PCDH15: variants seen among roughly 807,000 people sequenced by gnomAD.
The protein encoded by PCDH15 is protocadherin-15.
A neutral mutation model predicts 178.5 loss-of-function variants in PCDH15; 129 were observed. The ratio of observed to expected loss-of-function variants is 0.72; its 90% CI spans 0.63 to 0.84. PCDH15 has a LOEUF of 0.84. Among genes scored for constraint, PCDH15 ranks in the 40% least tolerant of loss-of-function variants. The pLI, the probability that PCDH15 is intolerant of heterozygous loss-of-function variation, is 0.00. For synonymous variants in PCDH15, 800 were observed against 732.0 expected, an observed-to-expected ratio of 1.09 and a Z score of -1.50; for missense variants, 2,230 against 2,099.9, an observed-to-expected ratio of 1.06 and a Z score of -1.21.
rs72797023 is a variant in PCDH15 at position 54,089,852 on chromosome 10, A to C, written c.1997+132T>G. The C allele has an allele frequency of 0.21, 151,637 of 709,946 alleles. 17,589 individuals are homozygous for C. Among genetic ancestry groups the C allele is most frequent in the Non-Finnish European group, 0.25 (102,776 of 405,876 alleles). 44.0% of individuals were successfully genotyped at this position (709,946 alleles called of 1,614,324 possible). On this transcript the variant is annotated intron_variant, in intron 16 of 37. Coordinates refer to ENST00000644397, the MANE Select transcript of PCDH15 (RefSeq NM_001384140.1). Reference sequence around the variant, plus strand: ...GCTCAGAATTATCCTCCCAGCTACCATTAGCATTCATAGAAAACAGAAAGG... The same window carrying C: ...GCTCAGAATTATCCTCCCAGCTACCCTTAGCATTCATAGAAAACAGAAAGG...
chr10:54,449,380 C>G (rs561086063), intron 3 of PCDH15, among the ~76,000 whole-genome samples: 16 of 151,876 alleles, frequency 1.1e-4, no homozygotes, highest in African/African-American at 3.9e-4. Context: ...AACACACACA[C>G]TGAGAGAAAA....
At chr10:54,741,770 A>G (rs923920270) in intron 1 of PCDH15, among the ~76,000 whole-genome samples, 11 of 151,828 alleles carry the variant, frequency 7.2e-5, no homozygotes, top group Non-Finnish European at 1.3e-4. Flanking sequence ...GTCTTTCTCA[A>G]TTTGCATCAT....
rs1303627855 is a variant in PCDH15, at chr10:54,562,239, C to T, written c.92-34362G>A. On this transcript the variant is annotated intron_variant, in intron 2 of 37. Coordinates refer to ENST00000644397, the MANE Select transcript of PCDH15 (RefSeq NM_001384140.1). Reference sequence around the variant, plus strand: ...CTCTTGACCTCAAGTGATTCACCTGCCTTGGACTCCCAAAGTGCTGGGATT... The same window carrying T: ...CTCTTGACCTCAAGTGATTCACCTGTCTTGGACTCCCAAAGTGCTGGGATT... Among the ~76,000 whole-genome samples, 4 of 151,960 alleles carry T rather than the reference C, an allele frequency of 2.6e-5. No homozygotes were observed. The East Asian group carries it at 5.8e-4, about 22-fold the overall frequency.
At chr10:54,661,359 G>A (rs559019925) in intron 2 of PCDH15, among the ~76,000 whole-genome samples, 1 of 151,828 alleles carries the variant, frequency 6.6e-6, no homozygotes, top group Non-Finnish European at 1.5e-5. Context: ...GGTAAAAGAT[G>A]TCCACAACAA....
intron 2 of PCDH15, among the ~76,000 whole-genome samples, chr10:54,596,338 A>C (rs1337372205): frequency 6.6e-6 from 1 of 152,164 alleles, no homozygotes; most frequent in East Asian, 1.9e-4. Context: ...AATTCCAGCC[A>C]AAGAAATTTA....
At chr10:53,840,285 C>T in intron 29 of PCDH15, 35 bp downstream of exon 29, 1 of 1,601,338 alleles carries the variant, frequency 6.2e-7, no homozygotes, top group Non-Finnish European at 8.6e-7. Flanking sequence ...GCTATTGTAA[C>T]CAAAGAGCTG....
intron 2 of PCDH15, among the ~76,000 whole-genome samples, chr10:55,463,458 C>T (rs2132095416): frequency 6.6e-6 from 1 of 151,988 alleles, no homozygotes; most frequent in East Asian, 1.9e-4. Context: ...CCAATCTGGG[C>T]AGCAAAGCAA....
intron 3 of PCDH15, among the ~76,000 whole-genome samples, chr10:54,810,145 A>C (rs1952840506): frequency 6.6e-6 from 1 of 152,178 alleles, no homozygotes; most frequent in Non-Finnish European, 1.5e-5. Flanking sequence ...ATTTTCAAAA[A>C]TAAATAATAA....
At chr10:53,979,439 G>A (rs1276897214) in intron 21 of PCDH15, among the ~76,000 whole-genome samples, 3 of 152,258 alleles carry the variant, frequency 2.0e-5, no homozygotes, top group African/African-American at 7.2e-5. Flanking sequence ...TGGGAACTAC[G>A]GTTCAAGATG....
chr10:54,020,310 C>T lies in PCDH15; in HGVS notation c.2633G>A (p.Arg878Lys). The part of the protein sequence containing the change: ...HPFTGELSLL[R>K]SLDYEAFPDQ... ...TGGAAATGCCTCATAATCTAAACTC[C>T]TTAAAAGCGATAGTTCTCCTGTAAA... The change falls in exon 20 of 38, where the codon AGG (arginine) becomes AAG (lysine). Residue 878 changes from arginine (R) to lysine (K), a missense_variant. Arg to Lys is a conservative substitution (Grantham distance 26). Coordinates refer to ENST00000644397, the MANE Select transcript of PCDH15 (RefSeq NM_001384140.1). The T allele has an allele frequency of 6.2e-7, 1 of 1,613,844 alleles. No homozygotes were observed. The highest frequency in any genetic ancestry group is 8.5e-7 in the Non-Finnish European group (1 of 1,179,818).
intron 2 of PCDH15, among the ~76,000 whole-genome samples, chr10:55,421,073 A>C (rs1029954274): frequency 1.3e-5 from 2 of 150,518 alleles, no homozygotes; most frequent in African/African-American, 2.5e-5. Flanking sequence ...GGCCTAAGAT[A>C]GTTGCAAAGA....
chr10:54,527,291 A>AAG (rs2083448918), intron 3 of PCDH15, among the ~76,000 whole-genome samples: 1 of 152,168 alleles, frequency 6.6e-6, no homozygotes. Context: ...AGAAGGCCCA[A>AAG]GTGAAAATTC....
intron 2 of PCDH15, among the ~76,000 whole-genome samples, chr10:54,547,273 C>T (rs1290205200): frequency 6.6e-6 from 1 of 152,156 alleles, no homozygotes; most frequent in Admixed American, 6.5e-5. Context: ...ACATAGCAAG[C>T]TGGCTTGCTA....
At chr10:53,822,504 G>A (rs2076357249) in intron 32 of PCDH15, 7 of 1,612,494 alleles carry the variant, frequency 4.3e-6, no homozygotes, top group Non-Finnish European at 5.9e-6. Flanking sequence ...GGCAGAAGGA[G>A]AGATGTTTGG....
At chr10:55,361,373 G>A (rs1396546701) in intron 2 of PCDH15, among the ~76,000 whole-genome samples, 1 of 151,816 alleles carries the variant, frequency 6.6e-6, no homozygotes, top group Non-Finnish European at 1.5e-5. Context: ...CAAACATACT[G>A]GAAAATCAAA....
At chr10:54,886,935 A>C (rs1231191298) in intron 3 of PCDH15, among the ~76,000 whole-genome samples, 2 of 152,360 alleles carry the variant, frequency 1.3e-5, no homozygotes, top group Admixed American at 1.3e-4. Context: ...ACAAACATAC[A>C]ATCTTGAATA....
intron 2 of PCDH15, among the ~76,000 whole-genome samples, chr10:55,146,347 T>C (rs2132094920): frequency 6.6e-6 from 1 of 152,024 alleles, no homozygotes; most frequent in African/African-American, 2.4e-5. Context: ...TCTCCTTTCT[T>C]CTTATCCATG....
At chr10:55,419,971 A>C (rs1838579655) in intron 2 of PCDH15, among the ~76,000 whole-genome samples, 1 of 151,702 alleles carries the variant, frequency 6.6e-6, no homozygotes, top group Admixed American at 6.6e-5. Context: ...CATTAGCGAA[A>C]ATTAATTTGC....
chr10:54,268,807 G>A (rs1173798541), intron 8 of PCDH15, among the ~76,000 whole-genome samples: 2 of 151,846 alleles, frequency 1.3e-5, no homozygotes, highest in Non-Finnish European at 2.9e-5. Flanking sequence ...ATTTTGTCTG[G>A]TGGTTGAGGA....
Sources: gnomAD v4.1 joint callset for allele counts (sites outside exome capture counted in the v4.1 genomes callset) on GRCh38, gnomAD v4.1.1 for gene constraint, MANE v1.5 for transcripts, NCBI Gene and HGNC (gene_info 2026-07-23, HGNC 2026-07-21) for gene names.